The following FRMD5 variants were observed in gnomAD, a reference collection of about 807,000 sequenced individuals.
FRMD5 encodes FERM domain-containing protein 5.
A neutral mutation model predicts 69.0 loss-of-function variants in FRMD5; 20 were observed. That is an observed-to-expected ratio of 0.29 (90% CI 0.20 to 0.42). The LOEUF is 0.42. Among genes scored for constraint, FRMD5 ranks in the 10% least tolerant of loss-of-function variants. The pLI, the probability that FRMD5 is intolerant of heterozygous loss-of-function variation, is 1.00. For synonymous variants in FRMD5, 271 were observed against 260.1 expected (o/e 1.04, Z -0.40); for missense variants, 595 against 708.6 (o/e 0.84, Z 1.82).
At position 44,124,569 on chromosome 15, in the gene FRMD5, C is replaced by T. The variant is rs539170815; in HGVS notation, c.102+70384G>A. Among the ~76,000 whole-genome samples, 672 of 151,710 alleles carry T rather than the reference C, an allele frequency of 4.4e-3. 4 individuals carry two copies. Among genetic ancestry groups the T allele is most frequent in the African/African-American group, 0.015 (640 of 41,376 alleles). On this transcript the variant is annotated intron_variant, in intron 1 of 13. Coordinates refer to ENST00000417257, the MANE Select transcript of FRMD5 (RefSeq NM_032892.5). ...AAAAAATTAGCCAGGCATGGTGGCACGCGCCTGTAGTCCCAGCTACTTGGG... is the reference window on the plus strand; with the variant it reads ...AAAAAATTAGCCAGGCATGGTGGCATGCGCCTGTAGTCCCAGCTACTTGGG...
chr15:44,123,030 C>T (rs2076976555), intron 1 of FRMD5, among the ~76,000 whole-genome samples: 1 of 152,152 alleles, frequency 6.6e-6, no homozygotes, highest in Non-Finnish European at 1.5e-5. Context: ...TTATGGCTAT[C>T]ATAATGTGAA....
chr15:44,055,530 A>G lies in FRMD5; in HGVS notation c.103-131221T>C, dbSNP rs139782157. 2.1e-3 allele frequency among the ~76,000 whole-genome samples: 316 copies of G among 152,322 alleles called. 2 individuals are homozygous for G. The highest frequency in any genetic ancestry group is 7.4e-3 in the African/African-American group (308 of 41,568). On this transcript the variant is annotated intron_variant, in intron 1 of 13. Transcript: ENST00000417257. The stretch of plus-strand genomic sequence containing the variant: ...TCAACATAAAGTCACTATACACACT[A>G]CAAGCTTTACTATGCAATGCATTTT...
At chr15:44,069,013 G>C (rs1284633580) in intron 1 of FRMD5, among the ~76,000 whole-genome samples, 1 of 152,062 alleles carries the variant, frequency 6.6e-6, no homozygotes, top group African/African-American at 2.4e-5. Context: ...TTAGAAAATA[G>C]GCAAAAGACA....
intron 1 of FRMD5, among the ~76,000 whole-genome samples, chr15:44,111,467 G>A (rs761541678): frequency 4.6e-5 from 7 of 152,168 alleles, no homozygotes; most frequent in South Asian, 4.1e-4. Context: ...AGGTTCAAGG[G>A]ACTTGTCTAT....
intron 1 of FRMD5, among the ~76,000 whole-genome samples, chr15:44,131,707 A>C (rs1482154934): frequency 1.1e-5 from 1 of 93,654 alleles, no homozygotes; most frequent in African/African-American, 3.1e-5. Context: ...GAAATACTGA[A>C]TAAATCCACC....
chr15:44,125,002 G>T (rs1454586226), intron 1 of FRMD5, among the ~76,000 whole-genome samples: 2 of 151,996 alleles, frequency 1.3e-5, no homozygotes, highest in African/African-American at 4.8e-5. Context: ...AATTAATTTG[G>T]AAAAATGTAA....
At chr15:44,137,351 G>A (rs890944417) in intron 1 of FRMD5, among the ~76,000 whole-genome samples, 1 of 152,216 alleles carries the variant, frequency 6.6e-6, no homozygotes, top group Non-Finnish European at 1.5e-5. Context: ...CTGGCTCTGA[G>A]GAATGCAGCC....
chr15:44,105,822 A>G (rs1039953252), intron 1 of FRMD5, among the ~76,000 whole-genome samples: 2 of 152,188 alleles, frequency 1.3e-5, no homozygotes, highest in African/African-American at 2.4e-5. Flanking sequence ...GATGGTGAGT[A>G]TTTACCACAC....
intron 1 of FRMD5, among the ~76,000 whole-genome samples, chr15:44,191,058 T>C (rs1460573046): frequency 6.6e-6 from 1 of 152,174 alleles, no homozygotes; most frequent in African/African-American, 2.4e-5. Context: ...ACATTCTATT[T>C]ATGGTAGTAT....
intron 1 of FRMD5, among the ~76,000 whole-genome samples, chr15:44,021,631 C>G (rs879672647): frequency 9.9e-5 from 15 of 152,048 alleles, no homozygotes; most frequent in African/African-American, 2.4e-4. Context: ...ACTAGGATGG[C>G]TATTACTAAA....
chr15:44,063,861 A>G, intron 1 of FRMD5: 1 of 278,126 alleles, frequency 3.6e-6, no homozygotes, highest in South Asian at 3.7e-5. Context: ...GGGGAACCAA[A>G]AAGGTCATCA....
At chr15:44,194,436 C>T (rs1410060546) in intron 1 of FRMD5, 1 of 187,884 alleles carries the variant, frequency 5.3e-6, no homozygotes, top group East Asian at 1.9e-4. Flanking sequence ...ATGGGCTGCG[C>T]GTTCAGTTCT....
At chr15:44,172,253 G>A (rs943114094) in intron 1 of FRMD5, among the ~76,000 whole-genome samples, 3 of 150,842 alleles carry the variant, frequency 2.0e-5, no homozygotes, top group African/African-American at 7.3e-5. Context: ...ACCATATTTG[G>A]CTTTCTTTTT....
chr15:43,958,635 T>C, intron 1 of FRMD5, among the ~76,000 whole-genome samples: 1 of 152,188 alleles, frequency 6.6e-6, no homozygotes, highest in Non-Finnish European at 1.5e-5. Context: ...GGTTTTGCCA[T>C]GTTGTCCAAG....
intron 1 of FRMD5, among the ~76,000 whole-genome samples, chr15:43,965,964 C>A (rs1352921200): frequency 3.3e-5 from 5 of 152,148 alleles, no homozygotes; most frequent in Non-Finnish European, 7.3e-5. Context: ...ACTATATAAT[C>A]CCAGCTCAGT....
chr15:44,165,378 T>C (rs1263696375), intron 1 of FRMD5, among the ~76,000 whole-genome samples: 3 of 152,156 alleles, frequency 2.0e-5, no homozygotes, highest in Non-Finnish European at 2.9e-5. Flanking sequence ...GCTGAGATCA[T>C]GCCACTGCAC....
chr15:43,958,501 T>C (rs907722117), intron 1 of FRMD5, among the ~76,000 whole-genome samples: 1 of 152,220 alleles, frequency 6.6e-6, no homozygotes. Context: ...ATCACGATCG[T>C]GGCTCATTGC....
chr15:44,084,856 C>G (rs1894132229), intron 1 of FRMD5, among the ~76,000 whole-genome samples: 1 of 152,122 alleles, frequency 6.6e-6, no homozygotes. Context: ...CATCCCTGAG[C>G]TATGAAACTC....
At chr15:43,894,128 T>C (rs926885408) in intron 7 of FRMD5, among the ~76,000 whole-genome samples, 11 of 152,150 alleles carry the variant, frequency 7.2e-5, no homozygotes, top group Non-Finnish European at 1.5e-4. Context: ...CTGGTGGTGG[T>C]TATTAATATC....
Sources: gnomAD v4.1 joint callset for allele counts (sites outside exome capture counted in the v4.1 genomes callset) on GRCh38, gnomAD v4.1.1 for gene constraint, MANE v1.5 for transcripts, NCBI Gene and HGNC (gene_info 2026-07-23, HGNC 2026-07-21) for gene names.